LRRC7: variants seen among roughly 807,000 people sequenced by gnomAD.
LRRC7 encodes leucine-rich repeat-containing protein 7.
LRRC7 carries 23 observed loss-of-function variants against 175.7 expected under a neutral mutation model. The ratio of observed to expected loss-of-function variants is 0.13; its 90% CI spans 0.09 to 0.19. LRRC7 has a LOEUF of 0.19. Among genes scored for constraint, LRRC7 ranks in the 10% least tolerant of loss-of-function variants. The pLI is 1.00. For missense variants in LRRC7, 1,354 were observed against 1,904.7 expected (o/e 0.71, Z 5.38); for synonymous variants, 685 against 680.9 (o/e 1.01, Z -0.09).
chr1:69,612,746 A>G (rs1648968753), intron 1 of LRRC7, among the ~76,000 whole-genome samples: 2 of 152,108 alleles, frequency 1.3e-5, no homozygotes, highest in African/African-American at 4.8e-5. Context: ...TTGTAACCGT[A>G]ACTGAAACAT....
rs536463107 is a variant in LRRC7 at position 70,121,812 on chromosome 1, T to C, written c.4653T>C (p.His1551=). 21 of 1,612,358 alleles carry C rather than the reference T, an allele frequency of 1.3e-5. No homozygotes were observed. In the African/African-American group the frequency reaches 2.1e-4, roughly 16 times the overall value. Residue 1551 remains histidine (H), a synonymous_variant, in exon 27 of 27, where the codon CAT becomes CAC. Coordinates refer to ENST00000651989, the MANE Select transcript of LRRC7 (RefSeq NM_001370785.2). ...GACACAGTTTTGTACATATGGAACA[T>C]GAAAAAGCTGTATTACTACTGAAGA... ...ANGHSFVHME[H]EKAVLLLKSF... is the part of the protein sequence containing the mutation.
intron 21 of LRRC7, among the ~76,000 whole-genome samples, chr1:70,043,696 C>T (rs907914909): frequency 1.3e-5 from 2 of 152,156 alleles, no homozygotes; most frequent in East Asian, 1.9e-4. Flanking sequence ...GAATTTATGA[C>T]GTTGAGTTAG....
At chr1:69,905,844 CA>C (rs1242185654) in intron 7 of LRRC7, among the ~76,000 whole-genome samples, 4 of 152,204 alleles carry the variant, frequency 2.6e-5, no homozygotes, top group Non-Finnish European at 5.9e-5. Context: ...CTGACTTCCA[CA>C]AGGGTTGAAC....
At chr1:69,981,021 A>C (rs72676873) in intron 9 of LRRC7, among the ~76,000 whole-genome samples, 2,496 of 152,310 alleles carry the variant, frequency 0.016, 33 homozygotes, top group Non-Finnish European at 0.024. Flanking sequence ...CCTGAGTATA[A>C]GTTTACCAGT....
intron 7 of LRRC7, among the ~76,000 whole-genome samples, chr1:69,844,085 A>G (rs1440746375): frequency 6.6e-6 from 1 of 152,178 alleles, no homozygotes; most frequent in Non-Finnish European, 1.5e-5. Flanking sequence ...AGTAATTCAG[A>G]AAAACATGAT....
At chr1:69,828,797 T>C (rs1680215553) in intron 5 of LRRC7, among the ~76,000 whole-genome samples, 1 of 152,008 alleles carries the variant, frequency 6.6e-6, no homozygotes, top group South Asian at 2.1e-4. Flanking sequence ...CCAGCTAGAA[T>C]AGAAACTTCT....
At chr1:69,703,509 T>C (rs1433422317) in intron 2 of LRRC7, among the ~76,000 whole-genome samples, 2 of 152,004 alleles carry the variant, frequency 1.3e-5, no homozygotes, top group Non-Finnish European at 2.9e-5. Flanking sequence ...GGAAGAACAT[T>C]GTATTACACT....
At chr1:69,716,559 C>A (rs1665370353) in intron 2 of LRRC7, among the ~76,000 whole-genome samples, 1 of 151,770 alleles carries the variant, frequency 6.6e-6, no homozygotes, top group Non-Finnish European at 1.5e-5. Flanking sequence ...ACATATTTAT[C>A]CACTATGTAA....
chr1:69,803,093 T>C (rs1355004385), intron 4 of LRRC7, among the ~76,000 whole-genome samples: 1 of 151,404 alleles, frequency 6.6e-6, no homozygotes, highest in Non-Finnish European at 1.5e-5. Context: ...TTCCCCAAAC[T>C]ATTCATCCTG....
At chr1:69,961,303 C>A (rs1218401094) in intron 8 of LRRC7, among the ~76,000 whole-genome samples, 3 of 152,058 alleles carry the variant, frequency 2.0e-5, no homozygotes, top group Admixed American at 2.0e-4. Flanking sequence ...ACAAGGAGAG[C>A]TACAAACCAC....
chr1:69,988,002 T>G (rs902564424), intron 10 of LRRC7, among the ~76,000 whole-genome samples: 1 of 152,154 alleles, frequency 6.6e-6, no homozygotes, highest in African/African-American at 2.4e-5. Flanking sequence ...ATGAAACTTG[T>G]GATCAGACAA....
intron 9 of LRRC7, among the ~76,000 whole-genome samples, chr1:69,984,039 C>CCT (rs1450872682): frequency 2.0e-5 from 3 of 152,122 alleles, no homozygotes; most frequent in African/African-American, 7.2e-5. Flanking sequence ...GATTCTCCTG[C>CCT]CTCAGCCTCC....
chr1:70,033,121 G>A (rs1399100249), intron 18 of LRRC7, among the ~76,000 whole-genome samples: 2 of 152,140 alleles, frequency 1.3e-5, no homozygotes, highest in Non-Finnish European at 2.9e-5. Flanking sequence ...ACCCATGTGA[G>A]AAATGAGCTG....
intron 1 of LRRC7, among the ~76,000 whole-genome samples, chr1:69,663,351 C>T (rs983921413): frequency 3.8e-4 from 58 of 151,938 alleles, no homozygotes; most frequent in African/African-American, 1.4e-3. Context: ...TTTTTAAGGA[C>T]ACATAGTAGA....
At chr1:69,622,542 T>C (rs1270429458) in intron 1 of LRRC7, among the ~76,000 whole-genome samples, 5 of 152,158 alleles carry the variant, frequency 3.3e-5, no homozygotes, top group Non-Finnish European at 7.4e-5. Flanking sequence ...CTTTATATAT[T>C]GACATACAAA....
intron 1 of LRRC7, among the ~76,000 whole-genome samples, chr1:69,596,070 G>A (rs1249660309): frequency 6.6e-6 from 1 of 151,918 alleles, no homozygotes; most frequent in Admixed American, 6.6e-5. Context: ...GATGATACCT[G>A]TGAGTCTGCA....
chr1:69,926,282 C>G (rs1647070276), intron 7 of LRRC7, among the ~76,000 whole-genome samples: 1 of 133,920 alleles, frequency 7.5e-6, no homozygotes, highest in South Asian at 2.6e-4. Context: ...AATGTATATT[C>G]TGTTGATTTG....
chr1:69,728,746 T>A (rs547229199), intron 2 of LRRC7, among the ~76,000 whole-genome samples: 1 of 152,164 alleles, frequency 6.6e-6, no homozygotes, highest in South Asian at 2.1e-4. Flanking sequence ...CATTTGGCAA[T>A]TGAAAGAAGT....
chr1:69,614,205 G>A (rs997956140), intron 1 of LRRC7, among the ~76,000 whole-genome samples: 1 of 151,838 alleles, frequency 6.6e-6, no homozygotes, highest in Non-Finnish European at 1.5e-5. Context: ...TATTTACATT[G>A]CCAGGAGCAT....
Sources: allele counts gnomAD v4.1 joint callset (sites outside exome capture counted in the v4.1 genomes callset), GRCh38; gene constraint gnomAD v4.1.1; transcripts MANE v1.5; gene names NCBI Gene and HGNC (gene_info 2026-07-23, HGNC 2026-07-21).